CHD1L: variants seen among roughly 807,000 people sequenced by gnomAD.
The protein encoded by CHD1L is ATP-dependent chromatin remodeler CHD1L.
In CHD1L, 118 loss-of-function variants were observed where a neutral mutation model predicts 115.9. The ratio of observed to expected loss-of-function variants is 1.02; its 90% confidence interval spans 0.88 to 1.19. The LOEUF (loss-of-function observed/expected upper bound fraction) is 1.19. CHD1L is among the 50% of genes most tolerant of loss of function. The pLI is 0.00. For synonymous variants in CHD1L, 411 were observed against 387.1 expected (o/e 1.06, Z -0.72); for missense variants, 1,179 against 1,065.3 (o/e 1.11, Z -1.49).
the CHD1L span, among the ~76,000 whole-genome samples, chr1:147,231,136 G>C: frequency 6.6e-6 from 1 of 151,912 alleles, no homozygotes; most frequent in East Asian, 1.9e-4. Context: ...TTTCTCTTGT[G>C]GGCATTTAGT....
chr1:147,289,105 T>C (rs1177352963), intron 19 of CHD1L, among the ~76,000 whole-genome samples: 1 of 151,892 alleles, frequency 6.6e-6, no homozygotes. Flanking sequence ...GAAAGAAGGG[T>C]TTAATGTGTG....
chr1:147,267,332 T>C (rs1376163306), intron 8 of CHD1L, 94 bp from the exon 9 acceptor site: 1 of 807,072 alleles, frequency 1.2e-6, no homozygotes, highest in Non-Finnish European at 2.0e-6. Context: ...ATAATTGAAA[T>C]GATTAAGGTT....
the CHD1L span, chr1:147,215,981 C>T: frequency 6.8e-7 from 1 of 1,479,690 alleles, no homozygotes. Flanking sequence ...ACTTGAGGAT[C>T]ATCTTCATGT....
At chr1:147,277,694 T>C (rs1553958817) in intron 14 of CHD1L, among the ~76,000 whole-genome samples, 1 of 152,158 alleles carries the variant, frequency 6.6e-6, no homozygotes, top group East Asian at 1.9e-4. Flanking sequence ...GAGACAATTA[T>C]AAATGTGAGA....
At chr1:147,256,079 CAA>C in intron 4 of CHD1L, 152 bp downstream of exon 4, 1 of 511,890 alleles carries the variant, frequency 2.0e-6, no homozygotes, top group Non-Finnish European at 3.4e-6. Context: ...GGGCTGTAAC[CAA>C]AAGAAGTGAA....
intron 1 of CHD1L, among the ~76,000 whole-genome samples, chr1:147,243,958 C>T (rs1665765856): frequency 6.6e-6 from 1 of 152,146 alleles, no homozygotes; most frequent in African/African-American, 2.4e-5. Flanking sequence ...ATGGAGAGGA[C>T]GCTGACATGA....
intron 1 of CHD1L, among the ~76,000 whole-genome samples, chr1:147,251,918 A>T (rs1553936626): frequency 1.3e-5 from 2 of 152,156 alleles, no homozygotes; most frequent in Non-Finnish European, 2.9e-5. Context: ...TATTTTGAAG[A>T]TTTTTTTAAA....
chr1:147,204,548 T>C, the CHD1L span: 1 of 1,583,576 alleles, frequency 6.3e-7, no homozygotes, highest in African/African-American at 1.3e-5. Context: ...TAACCTTCTA[T>C]GACCTCTGAA....
chr1:147,294,594 T>A, intron 22 of CHD1L, 77 bp downstream of exon 22: 3 of 1,182,908 alleles, frequency 2.5e-6, no homozygotes, highest in Non-Finnish European at 3.7e-6. Flanking sequence ...TGTCAGTTCT[T>A]AATCCAAGAC....
chr1:147,185,458 TAGGGAA>T, the CHD1L span, among the ~76,000 whole-genome samples: 3 of 152,122 alleles, frequency 2.0e-5, no homozygotes, highest in Admixed American at 2.0e-4. Context: ...TCACAAGGAT[TAGGGAA>T]AGCAAAAGAC....
chr1:147,223,310 A>C, the CHD1L span, among the ~76,000 whole-genome samples: 2,624 of 152,252 alleles, frequency 0.017, 80 homozygotes, highest in African/African-American at 0.06. Flanking sequence ...AAGGGGATCC[A>C]CTCCAGATCT....
the CHD1L span, among the ~76,000 whole-genome samples, chr1:147,232,257 C>G: frequency 6.6e-6 from 1 of 152,276 alleles, no homozygotes; most frequent in South Asian, 2.1e-4. Context: ...ATAAGTCAAT[C>G]CTGACTAGTC....
At chr1:147,231,114 G>A in the CHD1L span, among the ~76,000 whole-genome samples, 25 of 152,010 alleles carry the variant, frequency 1.6e-4, no homozygotes, top group Admixed American at 1.3e-4. Flanking sequence ...GTCAATTTTA[G>A]ATCTTTCCTG....
the CHD1L span, among the ~76,000 whole-genome samples, chr1:147,193,100 G>A: frequency 2.0e-5 from 3 of 152,090 alleles, no homozygotes; most frequent in Non-Finnish European, 4.4e-5. Flanking sequence ...GCTCCTCTTT[G>A]TACCTCTGGT....
chr1:147,281,189 C>T (rs907597185), intron 15 of CHD1L, among the ~76,000 whole-genome samples: 1 of 152,202 alleles, frequency 6.6e-6, no homozygotes, highest in African/African-American at 2.4e-5. Context: ...ACCTTCCCTT[C>T]TGTTCAGTTC....
At position 147,242,784 on chromosome 1, in the gene CHD1L, G is replaced by A. The variant is rs781865477; in HGVS notation, c.81G>A (p.Glu27=). Residue 27 remains glutamate (E), a synonymous_variant, in exon 1 of 23, where the codon GAG becomes GAA. Transcript: ENST00000369258. ...GGCTTCATACTGAGGGCCGAGCCGA[G>A]GCGGCGCGGGTGCAGGAGCAGGACT... ...LLRLHTEGRA[E]AARVQEQDLR... 1.6e-6 allele frequency: 2 copies of A among 1,272,460 alleles called. No individual in the cohort carries two copies. Among genetic ancestry groups the A allele is most frequent in the Admixed American group, 3.8e-5 (1 of 26,458 alleles). 78.8% of individuals were successfully genotyped at this position (1,272,460 alleles called of 1,614,324 possible). A position where few individuals can be genotyped will look rare whatever the true frequency, so the allele number is the denominator to read the frequency against.
At chr1:147,282,570 A>T (rs1553962594) in intron 15 of CHD1L, among the ~76,000 whole-genome samples, 1 of 152,172 alleles carries the variant, frequency 6.6e-6, no homozygotes, top group Non-Finnish European at 1.5e-5. Context: ...GAACTTTTTC[A>T]TCCACCATTG....
chr1:147,229,487 T>C, the CHD1L span, among the ~76,000 whole-genome samples: 3 of 152,204 alleles, frequency 2.0e-5, no homozygotes, highest in Non-Finnish European at 4.4e-5. Flanking sequence ...GACTTGGCGA[T>C]GCGGGCTCTT....
chr1:147,267,407 C>CT lies in CHD1L; in HGVS notation c.896-10dup, dbSNP rs781981891. 134 of 1,559,340 alleles carry CT rather than the reference C, an allele frequency of 8.6e-5. No individual in the cohort carries two copies. The highest frequency in any genetic ancestry group is 2.7e-4 in the Admixed American group (16 of 58,686). Reference sequence around the variant, plus strand: ...GTAGGCCATCTCTTTCTGTCTCTCTCTTTTTTTTTAAATTTCAGATGCATT... The same window carrying CT: ...GTAGGCCATCTCTTTCTGTCTCTCTCTTTTTTTTTTAAATTTCAGATGCATT... On this transcript the variant is annotated intron_variant, in intron 8 of 22. Transcript: ENST00000369258.
Sources: gnomAD v4.1 joint callset for allele counts (sites outside exome capture counted in the v4.1 genomes callset) on GRCh38, gnomAD v4.1.1 for gene constraint, MANE v1.5 for transcripts, NCBI Gene and HGNC (gene_info 2026-07-23, HGNC 2026-07-21) for gene names.